Variants in PDCL2 observed in about 807,000 individuals in gnomAD.
PDCL2 encodes phosducin like 2.
Under a neutral mutation model 30.3 loss-of-function variants are expected in PDCL2, and 23 were observed. The observed-to-expected ratio is 0.76, with a 90% CI of 0.55 to 1.08. The LOEUF (loss-of-function observed/expected upper bound fraction) is 1.08, where lower values mean the gene tolerates loss of function less well. Ranked by LOEUF, PDCL2 falls within the 50% of genes least tolerant of loss-of-function variation. PDCL2 has a pLI of 0.00. For missense variants in PDCL2, 243 were observed against 282.3 expected, an observed-to-expected ratio of 0.86 and a Z score of 1.00; for synonymous variants, 68 against 86.2, an observed-to-expected ratio of 0.79 and a Z score of 1.17.
At chr4:55,576,866 C>T (rs769224842) in intron 3 of PDCL2, among the ~76,000 whole-genome samples, 8 of 150,520 alleles carry the variant, frequency 5.3e-5, no homozygotes, top group Non-Finnish European at 8.9e-5. Context: ...ACTGGCAAAA[C>T]AAATTTTAAA....
chr4:55,591,458 G>A (rs778387389), intron 1 of PDCL2, among the ~76,000 whole-genome samples: 1 of 152,152 alleles, frequency 6.6e-6, no homozygotes, highest in Non-Finnish European at 1.5e-5. Flanking sequence ...GTGCAATCTC[G>A]GCTCACTGAA....
chr4:55,587,963 T>TAA (rs1732905064), intron 1 of PDCL2, among the ~76,000 whole-genome samples: 1 of 152,202 alleles, frequency 6.6e-6, no homozygotes, highest in Admixed American at 6.5e-5. Flanking sequence ...TTTGGTGTCA[T>TAA]AACCAAGAAA....
At chr4:55,576,816 A>G (rs1011542752) in intron 3 of PDCL2, among the ~76,000 whole-genome samples, 1 of 152,208 alleles carries the variant, frequency 6.6e-6, no homozygotes, top group African/African-American at 2.4e-5. Flanking sequence ...ATGTAAGTGA[A>G]TTTTAAATTA....
Position 55,569,810 on chromosome 4 carries a change from T to C in PDCL2, c.270A>G (p.Gly90=), listed in dbSNP as rs1363487638. Residue 90 remains glycine (G), a synonymous_variant, in exon 4 of 6, where the codon GGA becomes GGG. Coordinates refer to ENST00000295645, the MANE Select transcript of PDCL2 (RefSeq NM_152401.3). ...GATTTCCAGAAATTTCTCTTAATTC[T>C]CCAAATTTTTGTTTTTTCTTAAGAG... is the stretch of plus-strand genomic sequence containing the variant. The part of the protein sequence containing the change: ...WKALKKKQKF[G]ELREISGNQY... 1 of 1,562,600 alleles carries C rather than the reference T, an allele frequency of 6.4e-7. No homozygotes were observed. Among genetic ancestry groups the C allele is most frequent in the Admixed American group, 1.9e-5 (1 of 52,372 alleles).
intron 5 of PDCL2, among the ~76,000 whole-genome samples, 158 bp from the exon 6 acceptor site, chr4:55,556,869 T>C (rs867669694): frequency 1.3e-5 from 2 of 152,136 alleles, no homozygotes; most frequent in Non-Finnish European, 2.9e-5. Flanking sequence ...AGTCTCCCTC[T>C]GTCACCCAGG....
At chr4:55,562,057 AGT>A (rs34538860) in intron 5 of PDCL2, among the ~76,000 whole-genome samples, 43,419 of 151,988 alleles carry the variant, frequency 0.29, 6,696 homozygotes, top group Middle Eastern at 0.4. Context: ...GTGTAAAAAA[AGT>A]GTGATGGCAC....
In PDCL2 at chr4:55,581,766, C is replaced by T. The variant is rs141244652; in HGVS notation, c.127+351G>A. Among the ~76,000 whole-genome samples, 1,034 of 152,284 alleles carry T rather than the reference C, an allele frequency of 6.8e-3. 16 individuals are homozygous for T. Among genetic ancestry groups the T allele is most frequent in the African/African-American group, 0.022 (923 of 41,544 alleles). On this transcript the variant is annotated intron_variant, in intron 2 of 5. Coordinates refer to ENST00000295645, the MANE Select transcript of PDCL2 (RefSeq NM_152401.3). ...AGAGCAGTGCAGGAGTGCAGTGGCA[C>T]GATCTCAGCTCACTGCAAGCTCCAT...
chr4:55,564,226 T>C (rs548805980), intron 4 of PDCL2, among the ~76,000 whole-genome samples: 17 of 152,286 alleles, frequency 1.1e-4, no homozygotes, highest in African/African-American at 4.1e-4. Context: ...ACAACAGATA[T>C]TTGTGGGGTG....
At chr4:55,580,165 A>C (rs1244826899) in intron 3 of PDCL2, among the ~76,000 whole-genome samples, 1 of 152,138 alleles carries the variant, frequency 6.6e-6, no homozygotes, top group East Asian at 1.9e-4. Flanking sequence ...TTTTATTGTT[A>C]AAATGATCTT....
At chr4:55,576,282 G>A (rs1043430858) in intron 3 of PDCL2, among the ~76,000 whole-genome samples, 8 of 151,954 alleles carry the variant, frequency 5.3e-5, no homozygotes, top group South Asian at 2.1e-4. Flanking sequence ...TATTAGAGAC[G>A]GGGTTTCACC....
intron 5 of PDCL2, among the ~76,000 whole-genome samples, chr4:55,560,220 G>A (rs1048635802): frequency 2.7e-5 from 4 of 150,652 alleles, no homozygotes; most frequent in South Asian, 2.1e-4. Context: ...CACTAAATTC[G>A]TGATAGTTTT....
chr4:55,557,965 AAAAAAATT>A (rs1402676997), intron 5 of PDCL2, among the ~76,000 whole-genome samples: 4 of 151,242 alleles, frequency 2.6e-5, no homozygotes, highest in African/African-American at 7.3e-5. Flanking sequence ...AAAAAAAAAA[AAAAAAATT>A]AGCTGGGCGT....
At chr4:55,570,589 A>G (rs901491149) in intron 3 of PDCL2, among the ~76,000 whole-genome samples, 1 of 152,256 alleles carries the variant, frequency 6.6e-6, no homozygotes, top group African/African-American at 2.4e-5. Context: ...CTCACAAGGG[A>G]TTACTGGGAA....
intron 1 of PDCL2, among the ~76,000 whole-genome samples, chr4:55,590,141 A>T (rs538081831): frequency 1.5e-5 from 2 of 136,330 alleles, no homozygotes; most frequent in African/African-American, 5.4e-5. Flanking sequence ...AGGTTGCAGT[A>T]AGCTGAGATC....
At chr4:55,585,484 C>T (rs926702714) in intron 1 of PDCL2, among the ~76,000 whole-genome samples, 18 of 151,972 alleles carry the variant, frequency 1.2e-4, no homozygotes, top group East Asian at 1.9e-4. Flanking sequence ...GCCGAGATTG[C>T]GCCATTGCAC....
In PDCL2 at chr4:55,562,416, G is replaced by A; in HGVS notation, c.559C>T (p.Leu187Phe). ...IGIIECGGINLKLEELEWKLA... is the reference protein window; with the variant it reads ...IGIIECGGINFKLEELEWKLA... ...TTTGTAACATTACCTTCCAGCTTGA[G>A]ATTTATCCCTCCACATTCTATAATT... The change falls in exon 5 of 6, where the codon CTC becomes TTC. Residue 187 changes from leucine (L) to phenylalanine (F), a missense_variant. Physicochemically the swap from Leu to Phe is conservative, Grantham distance 22 (BLOSUM62 0). Transcript: ENST00000295645. The A allele has an allele frequency of 7.1e-7, 1 of 1,408,898 alleles. No homozygotes were observed. Among genetic ancestry groups the A allele is most frequent in the Non-Finnish European group, 9.3e-7 (1 of 1,073,906 alleles). The allele number at this position is 1,408,898 out of a possible 1,614,324, so 87.3% of individuals were successfully genotyped here. A position where few individuals can be genotyped will look rare whatever the true frequency, so the allele number is the denominator to read the frequency against.
rs1732697035 is a variant in PDCL2, at chr4:55,581,055, T to C, written c.128-144A>G. On this transcript the variant is annotated intron_variant, in intron 2 of 5. Coordinates refer to ENST00000295645, the MANE Select transcript of PDCL2 (RefSeq NM_152401.3). ...GTGCGATGGAATCCCAGTACTTTGA[T>C]AGGTCGAGGTGGGTGGATCACTTTA... 10 of 542,882 alleles carry C rather than the reference T, an allele frequency of 1.8e-5. 1 individual carries two copies. The highest frequency in any genetic ancestry group is 4.9e-4 in the Middle Eastern group (1 of 2,044). 33.6% of individuals were successfully genotyped at this position (542,882 alleles called of 1,614,324 possible).
At chr4:55,583,696 C>T (rs1329208239) in intron 1 of PDCL2, among the ~76,000 whole-genome samples, 2 of 152,122 alleles carry the variant, frequency 1.3e-5, no homozygotes, top group African/African-American at 4.8e-5. Flanking sequence ...ATTGTGTGTT[C>T]TTGTCCCCTT....
At chr4:55,569,154 T>C (rs1732356329) in intron 4 of PDCL2, among the ~76,000 whole-genome samples, 1 of 152,226 alleles carries the variant, frequency 6.6e-6, no homozygotes, top group South Asian at 2.1e-4. Context: ...TTAACCTGTC[T>C]TTTGTCAGTC....
Sources: allele counts gnomAD v4.1 joint callset (sites outside exome capture counted in the v4.1 genomes callset), GRCh38; gene constraint gnomAD v4.1.1; transcripts MANE v1.5; gene names NCBI Gene and HGNC (gene_info 2026-07-23, HGNC 2026-07-21).